Variants in SKIC2 observed in about 807,000 individuals in gnomAD.
SKIC2 encodes the protein superkiller complex protein 2.
the SKIC2 span, chr6:31,961,926 T>A: frequency 1.9e-6 from 3 of 1,613,112 alleles, no homozygotes; most frequent in Non-Finnish European, 2.5e-6. Flanking sequence ...TTGAGCCAGA[T>A]GTGTTTCAGA....
chr6:31,961,699 G>A, the SKIC2 span: 6 of 1,606,470 alleles, frequency 3.7e-6, no homozygotes, highest in Non-Finnish European at 4.2e-6. Context: ...ATCTTCACAC[G>A]CTCCTCTACC....
At chr6:31,965,975 C>T in the SKIC2 span, 14 of 1,608,944 alleles carry the variant, frequency 8.7e-6, no homozygotes, top group Non-Finnish European at 1.2e-5. This position sits in a 1 kb window ranked among gnomAD's most constrained non-coding sequence, Gnocchi z 5.6. Flanking sequence ...CTGCAAGGGC[C>T]GAGTGCCCGA....
the SKIC2 span, chr6:31,968,520 C>G: frequency 6.2e-7 from 1 of 1,612,520 alleles, no homozygotes; most frequent in Non-Finnish European, 8.5e-7. This position sits in a 1 kb window ranked among gnomAD's most constrained non-coding sequence, Gnocchi z 6.1. Flanking sequence ...GTGTACACAG[C>G]CCCCGTTTTC....
chr6:31,963,971 T>G, the SKIC2 span: 6 of 1,612,472 alleles, frequency 3.7e-6, no homozygotes, highest in Non-Finnish European at 5.1e-6. The surrounding 1 kb of genome is among the most constrained non-coding windows in gnomAD (Gnocchi z 5.3). Context: ...CAGTTGCCCG[T>G]GGTGGTGTTC....
At chr6:31,969,003 C>G in the SKIC2 span, 1 of 1,612,866 alleles carries the variant, frequency 6.2e-7, no homozygotes, top group Non-Finnish European at 8.5e-7. This position sits in a 1 kb window ranked among gnomAD's most constrained non-coding sequence, Gnocchi z 6.1. Context: ...CACCCTGCGG[C>G]CTGAGGAGAT....
chr6:31,960,719 GAGGA>G, the SKIC2 span: 1 of 1,571,616 alleles, frequency 6.4e-7, no homozygotes, highest in African/African-American at 1.4e-5. Context: ...GGAGGCTGAG[GAGGA>G]GATAGACTTT....
chr6:31,966,907 T>A, the SKIC2 span: 9 of 1,613,282 alleles, frequency 5.6e-6, no homozygotes, highest in Non-Finnish European at 7.6e-6. This position sits in a 1 kb window ranked among gnomAD's most constrained non-coding sequence, Gnocchi z 5.9. Flanking sequence ...AGGCTGGGAA[T>A]AGGTAGGCAT....
the SKIC2 span, chr6:31,959,525 G>A: frequency 1.4e-6 from 1 of 727,688 alleles, no homozygotes; most frequent in Non-Finnish European, 2.5e-6. Flanking sequence ...CCAGCCTGAA[G>A]GGGTGCTGGA....
At chr6:31,961,699 G>T in the SKIC2 span, 5 of 1,606,470 alleles carry the variant, frequency 3.1e-6, no homozygotes, top group African/African-American at 5.4e-5. Flanking sequence ...ATCTTCACAC[G>T]CTCCTCTACC....
chr6:31,960,846 T>C, the SKIC2 span: 2 of 965,200 alleles, frequency 2.1e-6, no homozygotes, highest in South Asian at 3.2e-5. Flanking sequence ...AAAGATATTC[T>C]GTCCATAACA....
chr6:31,964,149 C>T, the SKIC2 span: 234 of 1,610,422 alleles, frequency 1.5e-4, no homozygotes, highest in African/African-American at 2.5e-3. The surrounding 1 kb of genome is among the most constrained non-coding windows in gnomAD (Gnocchi z 5.0). Context: ...CGTCTGTGTG[C>T]GTGCATGCAC....
the SKIC2 span, among the ~76,000 whole-genome samples, chr6:31,964,703 G>T: frequency 6.6e-6 from 1 of 152,192 alleles, no homozygotes; most frequent in Non-Finnish European, 1.5e-5. This position sits in a 1 kb window ranked among gnomAD's most constrained non-coding sequence, Gnocchi z 5.0. Flanking sequence ...CTATTAGACT[G>T]GTAAAATTTA....
At chr6:31,963,446 C>T in the SKIC2 span, 1 of 1,610,132 alleles carries the variant, frequency 6.2e-7, no homozygotes, top group Non-Finnish European at 8.5e-7. This position sits in a 1 kb window ranked among gnomAD's most constrained non-coding sequence, Gnocchi z 5.3. Flanking sequence ...ATGTGATTAG[C>T]ACTGTAACCC....
chr6:31,968,824 G>A, the SKIC2 span: 24 of 1,609,656 alleles, frequency 1.5e-5, no homozygotes, highest in Non-Finnish European at 2.0e-5. The surrounding 1 kb of genome is among the most constrained non-coding windows in gnomAD (Gnocchi z 6.1). Flanking sequence ...TGGGGCAGGG[G>A]GGCTAGGGGA....
chr6:31,967,397 G>C, the SKIC2 span: 1 of 1,576,022 alleles, frequency 6.3e-7, no homozygotes. This position sits in a 1 kb window ranked among gnomAD's most constrained non-coding sequence, Gnocchi z 4.9. Context: ...ATGGGAATTT[G>C]GACTCCAGAG....
chr6:31,962,051 C>T, the SKIC2 span: 3 of 1,613,002 alleles, frequency 1.9e-6, no homozygotes, highest in Non-Finnish European at 2.5e-6. This position sits in a 1 kb window ranked among gnomAD's most constrained non-coding sequence, Gnocchi z 5.0. Flanking sequence ...AAACACATGA[C>T]ACGGTATGAG....
At chr6:31,962,524 A>T in the SKIC2 span, 1 of 1,614,120 alleles carries the variant, frequency 6.2e-7, no homozygotes, top group Non-Finnish European at 8.5e-7. This position sits in a 1 kb window ranked among gnomAD's most constrained non-coding sequence, Gnocchi z 5.0. Context: ...GGGGCTGCTC[A>T]CCGGGGATGT....
At chr6:31,960,809 C>A in the SKIC2 span, 1 of 1,204,300 alleles carries the variant, frequency 8.3e-7, no homozygotes, top group Non-Finnish European at 1.2e-6. Flanking sequence ...TACTGCTAGC[C>A]CTCCCATGTT....
chr6:31,965,740 A>G, the SKIC2 span: 13 of 1,230,952 alleles, frequency 1.1e-5, no homozygotes, highest in African/African-American at 1.5e-5. This position sits in a 1 kb window ranked among gnomAD's most constrained non-coding sequence, Gnocchi z 5.6. Flanking sequence ...GGGTGTGTGT[A>G]TGTAGAGCCT....
Sources: gnomAD v4.1 joint callset for allele counts (sites outside exome capture counted in the v4.1 genomes callset) on GRCh38, gnomAD v4.1.1 for gene constraint, Gnocchi (gnomAD v3.1) non-coding constraint, MANE v1.5 for transcripts, NCBI Gene and HGNC (gene_info 2026-07-23, HGNC 2026-07-21) for gene names.